ZNF420: variants seen among roughly 807,000 people sequenced by gnomAD.
The protein encoded by ZNF420 is zinc finger protein 420.
Under a neutral mutation model 44.7 loss-of-function variants are expected in ZNF420, and 31 were observed. That is an observed-to-expected ratio of 0.69 (90% CI 0.52 to 0.94). The LOEUF (loss-of-function observed/expected upper bound fraction) is 0.94, where lower values mean the gene tolerates loss of function less well. ZNF420 is among the 40% of genes least tolerant of loss of function. The pLI, the probability that ZNF420 is intolerant of heterozygous loss-of-function variation, is 0.00. For missense variants in ZNF420, 681 were observed against 827.9 expected (o/e 0.82, Z 2.18); for synonymous variants, 245 against 267.4 (o/e 0.92, Z 0.82).
At chr19:37,035,690 G>A (rs191056358) in intron 1 of ZNF420, among the ~76,000 whole-genome samples, 64 of 152,266 alleles carry the variant, frequency 4.2e-4, no homozygotes, top group African/African-American at 1.5e-3. Flanking sequence ...TTAAGCCTGT[G>A]CATCCTTCAT....
Position 37,091,107 on chromosome 19 carries a change from A to G in ZNF420, c.122A>G (p.Asn41Ser). ...GATGTGATGTTGGAGAACTATAGCAACTTGGTATCACTAGGTAAGGAATCT... is the reference window on the plus strand; with the variant it reads ...GATGTGATGTTGGAGAACTATAGCAGCTTGGTATCACTAGGTAAGGAATCT... ...YRDVMLENYS[N>S]LVSLDLPSRC... The change falls in exon 4 of 5, where the codon AAC becomes AGC. Residue 41 changes from asparagine (N) to serine (S), a missense_variant. Transcript: ENST00000337995. 1 of 1,589,464 alleles carries G rather than the reference A, an allele frequency of 6.3e-7. No homozygotes were observed.
chr19:37,040,455 CT>C (rs1967433652), intron 1 of ZNF420, among the ~76,000 whole-genome samples: 1 of 152,074 alleles, frequency 6.6e-6, no homozygotes. Context: ...GCTTTGTTTT[CT>C]TTTTTTAATA....
intron 1 of ZNF420, among the ~76,000 whole-genome samples, chr19:37,043,183 T>C (rs1967488968): frequency 6.6e-6 from 1 of 152,216 alleles, no homozygotes; most frequent in Admixed American, 6.5e-5. Context: ...AGTCACAAAC[T>C]GAGCACATGA....
intron 2 of ZNF420, among the ~76,000 whole-genome samples, chr19:37,083,120 AAGTGCTGGG>A (rs2146496271): frequency 6.7e-6 from 1 of 150,270 alleles, no homozygotes; most frequent in East Asian, 2.0e-4. Context: ...CTGCCTCCCA[AAGTGCTGGG>A]ATTACAGGCG....
At chr19:37,032,082 C>T (rs962134959) in intron 1 of ZNF420, among the ~76,000 whole-genome samples, 1 of 152,110 alleles carries the variant, frequency 6.6e-6, no homozygotes, top group African/African-American at 2.4e-5. Context: ...CGGTGGCTAA[C>T]GCCTGTAATC....
At chr19:37,123,599 C>CTTTTTTTTTTTTTTTTTTTTTTT (rs762782458) in intron 4 of ZNF420, among the ~76,000 whole-genome samples, 1 of 80,358 alleles carries the variant, frequency 1.2e-5, no homozygotes, top group African/African-American at 5.8e-5. Context: ...TTACTCTTGT[C>CTTTTTTTTTTTTTTTTTTTTTTT]TTTTTTTTTT....
At chr19:37,120,240 C>T (rs1443164872) in intron 4 of ZNF420, among the ~76,000 whole-genome samples, 1 of 152,104 alleles carries the variant, frequency 6.6e-6, no homozygotes, top group African/African-American at 2.4e-5. Flanking sequence ...ACTGGCAAAC[C>T]GAATCCAGCA....
At chr19:37,045,264 C>G (rs769916636) in intron 1 of ZNF420, among the ~76,000 whole-genome samples, 3 of 152,096 alleles carry the variant, frequency 2.0e-5, no homozygotes, top group Non-Finnish European at 4.4e-5. Context: ...ATGATGTTAA[C>G]AATATACTAT....
rs1970572294 is a variant in ZNF420, at chr19:37,114,828, G to A, written c.137-12300G>A. On this transcript the variant is annotated intron_variant, in intron 4 of 4. Transcript: ENST00000337995. ...AATAATGGCCCAATCATTCCATACT[G>A]TAAGTGGGATGATTTTACCCTCCCT... Among the ~76,000 whole-genome samples, 5 of 152,200 alleles carry A rather than the reference G, an allele frequency of 3.3e-5. 1 individual carries two copies. The South Asian group carries it at 1.0e-3, about 32-fold the overall frequency.
chr19:37,060,050 C>T (rs924755075), intron 1 of ZNF420, among the ~76,000 whole-genome samples: 2 of 152,078 alleles, frequency 1.3e-5, no homozygotes, highest in African/African-American at 4.8e-5. Flanking sequence ...CTGGTTGTCT[C>T]GTTTTCGCGG....
chr19:37,068,641 A>AAAAT lies in ZNF420; in HGVS notation c.-124-11680_-124-11677dup, dbSNP rs574606007. 6.5e-3 allele frequency among the ~76,000 whole-genome samples: 993 copies of AAAAT among 152,188 alleles called. 9 individuals carry two copies. Among genetic ancestry groups the AAAAT allele is most frequent in the African/African-American group, 0.022 (904 of 41,506 alleles). ...GGCAACAAGAGTGAAACTCTGTCTC[A>AAAAT]AAATAAATAAATAAATAAATAAATA... On this transcript the variant is annotated intron_variant, in intron 1 of 4. Transcript: ENST00000587029.
intron 1 of ZNF420, among the ~76,000 whole-genome samples, chr19:37,059,506 G>C (rs1474900066): frequency 2.6e-5 from 4 of 152,198 alleles, no homozygotes; most frequent in African/African-American, 9.6e-5. Context: ...CCACGGGGTC[G>C]ACAGGAACGT....
At chr19:37,063,283 CCT>C (rs1383276796) in intron 1 of ZNF420, among the ~76,000 whole-genome samples, 4 of 151,996 alleles carry the variant, frequency 2.6e-5, no homozygotes, top group Admixed American at 2.6e-4. Flanking sequence ...CCCAATTCCC[CCT>C]GAGAAACAGA....
chr19:37,086,002 A>G (rs928903270), intron 2 of ZNF420, among the ~76,000 whole-genome samples: 1 of 150,342 alleles, frequency 6.7e-6, no homozygotes, highest in Non-Finnish European at 1.5e-5. Context: ...GATTCTTGCT[A>G]TGTTGCCCAG....
chr19:37,069,933 A>C (rs1319415490), intron 1 of ZNF420, among the ~76,000 whole-genome samples: 1 of 152,148 alleles, frequency 6.6e-6, no homozygotes, highest in African/African-American at 2.4e-5. Flanking sequence ...GCAAGGAAAT[A>C]ATAAAGACCA....
intron 2 of ZNF420, among the ~76,000 whole-genome samples, chr19:37,084,622 A>G (rs543232610): frequency 5.3e-5 from 8 of 152,092 alleles, no homozygotes; most frequent in Non-Finnish European, 8.8e-5. Context: ...TGCCTTAAAT[A>G]TTGGTAGAAT....
chr19:37,120,425 C>G (rs566203318), intron 4 of ZNF420, among the ~76,000 whole-genome samples: 2,643 of 151,546 alleles, frequency 0.017, 63 homozygotes, highest in East Asian at 0.046. Context: ...ATTCAACAAC[C>G]CTTCATGCTA....
chr19:37,088,445 T>A (rs1215132663), intron 2 of ZNF420, among the ~76,000 whole-genome samples: 1 of 152,130 alleles, frequency 6.6e-6, no homozygotes, highest in Non-Finnish European at 1.5e-5. Flanking sequence ...TTTACTGAGT[T>A]TTTTTTAACC....
intron 1 of ZNF420, among the ~76,000 whole-genome samples, chr19:37,009,773 C>A (rs1568416790): frequency 6.6e-6 from 1 of 152,184 alleles, no homozygotes; most frequent in Non-Finnish European, 1.5e-5. Context: ...GAGGTGAGCC[C>A]ATCCCTGGTC....
Sources: gnomAD v4.1 joint callset for allele counts (sites outside exome capture counted in the v4.1 genomes callset) on GRCh38, gnomAD v4.1.1 for gene constraint, MANE v1.5 for transcripts, NCBI Gene and HGNC (gene_info 2026-07-23, HGNC 2026-07-21) for gene names.